The following CTNNA3 variants were observed in gnomAD, a reference collection of about 807,000 sequenced individuals.
CTNNA3 encodes the protein catenin alpha-3.
Under a neutral mutation model 95.7 loss-of-function variants are expected in CTNNA3, and 76 were observed. That is an observed-to-expected ratio of 0.79 (90% CI 0.66 to 0.96). CTNNA3 has a LOEUF of 0.96. CTNNA3 is among the 40% of genes least tolerant of loss of function. CTNNA3 has a pLI of 0.00. For synonymous variants in CTNNA3, 431 were observed against 374.4 expected (o/e 1.15, Z -1.74); for missense variants, 1,191 against 1,089.8 (o/e 1.09, Z -1.31).
At chr10:67,482,066 C>T (rs918888489) in intron 5 of CTNNA3, among the ~76,000 whole-genome samples, 8 of 151,790 alleles carry the variant, frequency 5.3e-5, no homozygotes, top group Admixed American at 2.0e-4. Context: ...TGTAGATATA[C>T]GGCTTTATTT....
chr10:67,069,048 G>GA (rs112057789), intron 7 of CTNNA3, among the ~76,000 whole-genome samples: 26 of 128,732 alleles, frequency 2.0e-4, no homozygotes, highest in Non-Finnish European at 3.5e-5. Flanking sequence ...AGCAAGACAG[G>GA]AAAAAAAATA....
intron 11 of CTNNA3, among the ~76,000 whole-genome samples, chr10:66,390,700 G>C (rs2092927579): frequency 6.6e-6 from 1 of 152,024 alleles, no homozygotes; most frequent in African/African-American, 2.4e-5. Context: ...AAAGCAAATA[G>C]AATGCATTAG....
intron 11 of CTNNA3, among the ~76,000 whole-genome samples, chr10:66,441,214 A>G (rs1250701110): frequency 1.4e-5 from 2 of 138,740 alleles, no homozygotes; most frequent in Non-Finnish European, 3.1e-5. Flanking sequence ...ATCAACACTA[A>G]TGGTTGCTTT....
chr10:66,122,365 G>C (rs1197875367), intron 13 of CTNNA3, among the ~76,000 whole-genome samples: 1 of 152,230 alleles, frequency 6.6e-6, no homozygotes, highest in Admixed American at 6.5e-5. Context: ...ATTAGAAAAG[G>C]TGTAACATAC....
chr10:67,094,151 C>T (rs1327646426), intron 7 of CTNNA3, among the ~76,000 whole-genome samples: 1 of 151,946 alleles, frequency 6.6e-6, no homozygotes, highest in Non-Finnish European at 1.5e-5. Flanking sequence ...GGAAGACTTG[C>T]TCTGACAAAG....
At chr10:66,630,139 A>G (rs1242992164) in intron 9 of CTNNA3, among the ~76,000 whole-genome samples, 1 of 152,142 alleles carries the variant, frequency 6.6e-6, no homozygotes. Context: ...CAGTCTATAA[A>G]TAGTTCTTTG....
At chr10:66,598,067 A>C (rs1452146334) in intron 10 of CTNNA3, among the ~76,000 whole-genome samples, 1 of 152,094 alleles carries the variant, frequency 6.6e-6, no homozygotes, top group Non-Finnish European at 1.5e-5. Flanking sequence ...TAAAAGGAAC[A>C]TTCAACATGA....
At chr10:67,646,014 C>A (rs1839695309) in intron 2 of CTNNA3, among the ~76,000 whole-genome samples, 1 of 148,342 alleles carries the variant, frequency 6.7e-6, no homozygotes, top group Non-Finnish European at 1.5e-5. Context: ...TTACAAAGTA[C>A]AAAGATGATA....
At chr10:67,069,544 T>G (rs2764806) in intron 7 of CTNNA3, among the ~76,000 whole-genome samples, 73,153 of 145,366 alleles carry the variant, frequency 0.5, 19,027 homozygotes, top group Middle Eastern at 0.63. Context: ...TATTACAAGG[T>G]GTACAGCAGC....
chr10:67,195,533 T>A (rs1046411190), intron 6 of CTNNA3, among the ~76,000 whole-genome samples: 1 of 151,496 alleles, frequency 6.6e-6, no homozygotes, highest in African/African-American at 2.4e-5. Flanking sequence ...AGGCTCCACC[T>A]CAGTGGTCTC....
At chr10:66,025,083 G>T (rs912189831) in intron 15 of CTNNA3, among the ~76,000 whole-genome samples, 3 of 152,174 alleles carry the variant, frequency 2.0e-5, no homozygotes, top group African/African-American at 7.2e-5. Context: ...ATTGGCTTCT[G>T]CAAGAATGCT....
At chr10:67,265,958 G>C (rs565172409) in intron 5 of CTNNA3, among the ~76,000 whole-genome samples, 2 of 152,262 alleles carry the variant, frequency 1.3e-5, no homozygotes, top group East Asian at 1.9e-4. Context: ...ACAAGGCCTA[G>C]AAACAGATCT....
intron 5 of CTNNA3, among the ~76,000 whole-genome samples, chr10:67,460,056 C>T (rs1847317808): frequency 1.3e-5 from 2 of 152,116 alleles, no homozygotes; most frequent in Non-Finnish European, 2.9e-5. Context: ...AAGATTAAAG[C>T]ATGTGAGTGC....
At chr10:66,140,683 A>G (rs987157486) in intron 13 of CTNNA3, among the ~76,000 whole-genome samples, 1 of 152,168 alleles carries the variant, frequency 6.6e-6, no homozygotes, top group Non-Finnish European at 1.5e-5. Flanking sequence ...CAAATCCCAC[A>G]TTGCATGGCT....
chr10:66,162,912 T>C (rs1405889492), intron 13 of CTNNA3, among the ~76,000 whole-genome samples: 1 of 150,424 alleles, frequency 6.6e-6, no homozygotes, highest in African/African-American at 2.4e-5. Flanking sequence ...GGGGGTAAGA[T>C]TCCCAGGTCA....
intron 7 of CTNNA3, among the ~76,000 whole-genome samples, chr10:67,147,028 A>G (rs1446708418): frequency 6.6e-6 from 1 of 152,136 alleles, no homozygotes; most frequent in Admixed American, 6.5e-5. Flanking sequence ...CCCCTCTATA[A>G]TGTTCACACA....
At position 67,198,171 on chromosome 10, in the gene CTNNA3, A is replaced by T. The variant is rs115166796; in HGVS notation, c.844-17651T>A. Among the ~76,000 whole-genome samples the T allele has an allele frequency of 5.8e-3, 888 of 152,286 alleles. 9 individuals carry two copies. Among genetic ancestry groups the T allele is most frequent in the African/African-American group, 0.02 (839 of 41,570 alleles). The stretch of plus-strand genomic sequence containing the variant: ...TACTATATTGAACAGCACAGCTCTT[A>T]AAGTTGATTTTCACTGTATTTTCCA... On this transcript the variant is annotated intron_variant, in intron 6 of 17. Transcript: ENST00000433211.
intron 1 of CTNNA3, among the ~76,000 whole-genome samples, chr10:67,723,435 C>T (rs779579367): frequency 6.6e-6 from 1 of 151,926 alleles, no homozygotes; most frequent in Non-Finnish European, 1.5e-5. Flanking sequence ...GAACTACAGG[C>T]GCAAGCCACC....
At chr10:66,234,946 T>C (rs2089777390) in intron 13 of CTNNA3, among the ~76,000 whole-genome samples, 1 of 152,246 alleles carries the variant, frequency 6.6e-6, no homozygotes, top group African/African-American at 2.4e-5. Flanking sequence ...TCCTGTTCTT[T>C]GGATCAGCAC....
Sources: allele counts gnomAD v4.1 joint callset (sites outside exome capture counted in the v4.1 genomes callset), GRCh38; gene constraint gnomAD v4.1.1; transcripts MANE v1.5; gene names NCBI Gene and HGNC (gene_info 2026-07-23, HGNC 2026-07-21).